NAV3: variants seen among roughly 807,000 people sequenced by gnomAD.
NAV3 encodes the protein pore membrane and/or filament interacting like protein 1.
NAV3 carries 87 observed loss-of-function variants against 244.7 expected under a neutral mutation model. That is an observed-to-expected ratio of 0.36 (90% CI 0.30 to 0.42). NAV3 has a LOEUF of 0.42. Among genes scored for constraint, NAV3 ranks in the 20% least tolerant of loss-of-function variants. The probability of loss-of-function intolerance (pLI) is 1.00; values close to 1 mark genes in which losing one functional copy is unlikely to be tolerated. For synonymous variants in NAV3, 1,126 were observed against 1,042.2 expected (o/e 1.08, Z -1.55); for missense variants, 2,663 against 2,893.3 (o/e 0.92, Z 1.83).
At chr12:77,839,329 A>G (rs1365736222) in intron 1 of NAV3, among the ~76,000 whole-genome samples, 1 of 152,200 alleles carries the variant, frequency 6.6e-6, no homozygotes, top group East Asian at 1.9e-4. Context: ...CCATATATCA[A>G]TTGCTCCATA....
Position 78,175,439 on chromosome 12 carries a change from T to A in NAV3, c.5103+12T>A, listed in dbSNP as rs1333963122. ...AAAAGAAAAACTGGGTAAGTTACCA[T>A]CCTTCATCTAATTCAGAAGCTTATT... On this transcript the variant is annotated intron_variant, in intron 25 of 39. Coordinates refer to ENST00000397909, the MANE Select transcript of NAV3 (RefSeq NM_001024383.2). 1 of 1,606,610 alleles carries A rather than the reference T, an allele frequency of 6.2e-7. No homozygotes were observed. Among genetic ancestry groups the A allele is most frequent in the Non-Finnish European group, 8.5e-7 (1 of 1,176,966 alleles).
chr12:77,833,997 G>A (rs1309682823), intron 1 of NAV3, among the ~76,000 whole-genome samples: 1 of 151,904 alleles, frequency 6.6e-6, no homozygotes, highest in Non-Finnish European at 1.5e-5. Flanking sequence ...TCCTTTCGAC[G>A]TCCAGCCGCT....
chr12:77,857,814 A>G (rs1592799693), intron 1 of NAV3, among the ~76,000 whole-genome samples: 1 of 152,098 alleles, frequency 6.6e-6, no homozygotes, highest in Admixed American at 6.6e-5. Context: ...AAATGGGTGA[A>G]AACTGAACCC....
At chr12:77,684,451 A>G (rs962865119) in intron 2 of NAV3, among the ~76,000 whole-genome samples, 2 of 151,882 alleles carry the variant, frequency 1.3e-5, no homozygotes, top group Non-Finnish European at 1.5e-5. Context: ...TCCAGTGGCA[A>G]GCAGTGTCCA....
chr12:77,647,565 A>G (rs1160708451), intron 2 of NAV3, among the ~76,000 whole-genome samples: 1 of 151,704 alleles, frequency 6.6e-6, no homozygotes, highest in Non-Finnish European at 1.5e-5. Flanking sequence ...GCCTCCTTGT[A>G]TCATTCTAGA....
At chr12:78,135,877 A>T (rs1956351244) in intron 18 of NAV3, among the ~76,000 whole-genome samples, 1 of 151,706 alleles carries the variant, frequency 6.6e-6, no homozygotes, top group East Asian at 1.9e-4. Context: ...CACTTTGGAG[A>T]TTCATATTTT....
At chr12:77,821,612 G>A (rs1452783270) in intron 2 of NAV3, among the ~76,000 whole-genome samples, 1 of 152,070 alleles carries the variant, frequency 6.6e-6, no homozygotes, top group East Asian at 1.9e-4. Context: ...GAATGGCTTG[G>A]CTTTGGTGTG....
chr12:77,837,844 G>T (rs1447428605), intron 1 of NAV3, among the ~76,000 whole-genome samples: 2 of 152,210 alleles, frequency 1.3e-5, no homozygotes, highest in Non-Finnish European at 2.9e-5. Context: ...TTGACACATG[G>T]TCTCTACTGC....
At chr12:77,771,730 A>G (rs1465069851) in intron 2 of NAV3, among the ~76,000 whole-genome samples, 1 of 151,648 alleles carries the variant, frequency 6.6e-6, no homozygotes, top group African/African-American at 2.4e-5. Flanking sequence ...ACATGGACAC[A>G]GGAAGGGGAA....
At chr12:77,636,972 AC>A (rs1872185793) in intron 2 of NAV3, among the ~76,000 whole-genome samples, 2 of 151,970 alleles carry the variant, frequency 1.3e-5, no homozygotes. Context: ...GGGGAACATC[AC>A]ACACTGGGGC....
intron 1 of NAV3, among the ~76,000 whole-genome samples, chr12:77,886,912 T>C (rs1883359061): frequency 6.6e-6 from 1 of 152,170 alleles, no homozygotes; most frequent in African/African-American, 2.4e-5. Context: ...TTTCATTTAA[T>C]GTAGTGTGGA....
At chr12:77,615,484 C>A (rs542564995) in intron 2 of NAV3, among the ~76,000 whole-genome samples, 85 of 152,202 alleles carry the variant, frequency 5.6e-4, no homozygotes, top group African/African-American at 2.0e-3. Context: ...TTTTTCTGTT[C>A]CTGTGTTAGT....
chr12:77,766,743 T>TTTTTTTTG (rs1869785980), intron 2 of NAV3, among the ~76,000 whole-genome samples: 2 of 23,708 alleles, frequency 8.4e-5, no homozygotes, highest in Non-Finnish European at 1.7e-4. Context: ...AAGTTTTTTT[T>TTTTTTTTG]TTTTTTTTTT....
chr12:77,981,510 T>C (rs563599774), intron 5 of NAV3, among the ~76,000 whole-genome samples: 2 of 152,222 alleles, frequency 1.3e-5, no homozygotes, highest in African/African-American at 4.8e-5. Flanking sequence ...TAAAAACCCT[T>C]AGTGAATGTA....
At chr12:77,598,813 A>G (rs1870290112) in intron 2 of NAV3, among the ~76,000 whole-genome samples, 1 of 151,994 alleles carries the variant, frequency 6.6e-6, no homozygotes, top group Admixed American at 6.6e-5. Flanking sequence ...AAGTTTACCC[A>G]TGTCCCTTTG....
intron 2 of NAV3, among the ~76,000 whole-genome samples, chr12:77,806,682 C>T (rs1871997628): frequency 6.6e-6 from 1 of 152,122 alleles, no homozygotes; most frequent in Non-Finnish European, 1.5e-5. Context: ...TCTATTAGGT[C>T]TTCTTGGTCC....
chr12:77,788,731 C>T (rs1042776327), intron 2 of NAV3, among the ~76,000 whole-genome samples: 10 of 151,374 alleles, frequency 6.6e-5, no homozygotes, highest in South Asian at 4.2e-4. Flanking sequence ...ATGAGTACTG[C>T]GGTCATGTTG....
chr12:78,028,137 T>A (rs997729112), intron 9 of NAV3, among the ~76,000 whole-genome samples: 9 of 152,002 alleles, frequency 5.9e-5, no homozygotes, highest in African/African-American at 2.2e-4. Flanking sequence ...ATGAACAGAA[T>A]TAATGAAAAA....
chr12:77,977,289 T>C (rs1868619180), intron 5 of NAV3, among the ~76,000 whole-genome samples: 1 of 152,116 alleles, frequency 6.6e-6, no homozygotes, highest in Non-Finnish European at 1.5e-5. Flanking sequence ...CAGAGAGAGA[T>C]GTACAATTTG....
Sources: gnomAD v4.1 joint callset for allele counts (sites outside exome capture counted in the v4.1 genomes callset) on GRCh38, gnomAD v4.1.1 for gene constraint, MANE v1.5 for transcripts, NCBI Gene and HGNC (gene_info 2026-07-23, HGNC 2026-07-21) for gene names.